MYO1C: variants seen among roughly 807,000 people sequenced by gnomAD.
MYO1C encodes myosin IC, also known as unconventional myosin-Ic.
Under a neutral mutation model 150.8 loss-of-function variants are expected in MYO1C, and 104 were observed. The observed-to-expected ratio is 0.69, with a 90% CI of 0.59 to 0.81. MYO1C has a LOEUF of 0.81. Among genes scored for constraint, MYO1C ranks in the 30% least tolerant of loss-of-function variants. MYO1C has a pLI of 0.00. For synonymous variants in MYO1C, 663 were observed against 579.9 expected, an observed-to-expected ratio of 1.14 and a Z score of -2.06; for missense variants, 1,504 against 1,435.0, an observed-to-expected ratio of 1.05 and a Z score of -0.78.
intron 1 of MYO1C, chr17:1,491,455 C>CGCG (rs1555524133): frequency 2.5e-5 from 4 of 158,012 alleles, no homozygotes; most frequent in Admixed American, 2.1e-4. Flanking sequence ...GGACCCCCCC[C>CGCG]CCCCGCACGG....
rs773330593 is a variant in MYO1C, at chr17:1,479,722, G to C, written c.907-17C>G. 1 of 1,582,522 alleles carries C rather than the reference G, an allele frequency of 6.3e-7. No individual in the cohort carries two copies. The highest frequency in any genetic ancestry group is 8.6e-7 in the Non-Finnish European group (1 of 1,159,784). On this transcript the variant is annotated splice_polypyrimidine_tract_variant and intron_variant, in intron 7 of 31. Coordinates refer to ENST00000648651, the MANE Select transcript of MYO1C (RefSeq NM_001080779.2). This position sits in a 1 kb window ranked among gnomAD's most constrained non-coding sequence, Gnocchi z 4.2. ...CAGCAGGTCCTGGGGGAGCAGGCCG[G>C]GGGCAGGAGGGGGTGAGAGGGGCCA...
At chr17:1,475,292 G>A (rs1280024174) in intron 14 of MYO1C, among the ~76,000 whole-genome samples, 1 of 152,182 alleles carries the variant, frequency 6.6e-6, no homozygotes, top group Non-Finnish European at 1.5e-5. Flanking sequence ...GGTGGTGGGC[G>A]CCTGTAGTCC....
chr17:1,467,439 C>T (rs375807306), intron 30 of MYO1C, 41 bp downstream of exon 30: 188 of 1,605,548 alleles, frequency 1.2e-4, no homozygotes, highest in African/African-American at 7.5e-4. Flanking sequence ...ACAGCCCCCT[C>T]GCCACCCCCG....
Position 1,480,695 on chromosome 17 carries a change from C to A in MYO1C, c.807+11G>T, listed in dbSNP as rs763565275. The A allele has an allele frequency of 1.2e-6, 2 of 1,614,144 alleles. No homozygotes were observed. Among genetic ancestry groups the A allele is most frequent in the South Asian group, 2.2e-5 (2 of 91,084 alleles). On this transcript the variant is annotated intron_variant, in intron 6 of 31. Transcript: ENST00000648651. ...CCTGGGTGGCACCTGCCCTCCCTGC[C>A]AGCCACTCACCTTCACCAGGTACAG...
intron 19 of MYO1C, 134 bp downstream of exon 19, chr17:1,471,773 C>T: frequency 3.1e-6 from 3 of 961,552 alleles, no homozygotes; most frequent in Non-Finnish European, 4.9e-6. Context: ...CAAGGGCCTC[C>T]ACCAAGGGCA....
In MYO1C at chr17:1,464,350, C is replaced by T. The variant is rs570465173; in HGVS notation, c.*1376G>A. The T allele has an allele frequency of 4.6e-5, 7 of 152,774 alleles. No homozygotes were observed. The East Asian group carries it at 1.4e-3, about 29-fold the overall frequency. The allele number at this position is 152,774 out of a possible 1,614,324, so 9.5% of individuals were successfully genotyped here. On this transcript the variant is annotated 3_prime_UTR_variant, in exon 32 of 32. Coordinates refer to ENST00000648651, the MANE Select transcript of MYO1C (RefSeq NM_001080779.2). ...AGGAGGTGATGCCCCTGCCGCTCCT[C>T]CCAAGGCCAGCCCCGTCCCCACGCT...
At chr17:1,467,431 A>G in intron 30 of MYO1C, 49 bp downstream of exon 30, 1 of 1,599,996 alleles carries the variant, frequency 6.3e-7, no homozygotes, top group Non-Finnish European at 8.5e-7. Flanking sequence ...GTGCCCACAC[A>G]GCCCCCTCGC....
chr17:1,491,016 G>A (rs1412012171), intron 1 of MYO1C: 11 of 152,420 alleles, frequency 7.2e-5, no homozygotes. Flanking sequence ...GCACCCCGCA[G>A]GAATCAGCTG....
rs1313695443 is a variant in MYO1C at position 1,468,117 on chromosome 17, C to T, written c.2767G>A (p.Val923Met). The T allele has an allele frequency of 3.7e-6, 6 of 1,613,500 alleles. No individual in the cohort carries two copies. Among genetic ancestry groups the T allele is most frequent in the Non-Finnish European group, 4.2e-6 (5 of 1,180,006 alleles). The change falls in exon 28 of 32, where the codon GTG becomes ATG. Residue 923 changes from valine to methionine, a missense_variant. By Grantham distance (21) the Val-to-Met change is conservative (BLOSUM62 1). Coordinates refer to ENST00000648651, the MANE Select transcript of MYO1C (RefSeq NM_001080779.2). ...TTGCGGTCGTATTTCACAACAGGCACCGCATACTGGGGACAGAGGCCAGGC... is the reference window on the plus strand; with the variant it reads ...TTGCGGTCGTATTTCACAACAGGCATCGCATACTGGGGACAGAGGCCAGGC... ...ALGSEPIQYA[V>M]PVVKYDRKGY...
chr17:1,470,470 T>C lies in MYO1C; in HGVS notation c.2331A>G (p.Ala777=). 4 of 1,551,052 alleles carry C rather than the reference T, an allele frequency of 2.6e-6. No homozygotes were observed. The highest frequency in any genetic ancestry group is 3.5e-6 in the Non-Finnish European group (4 of 1,147,196). The change falls in exon 23 of 32, where the codon GCA becomes GCG. Residue 777 remains alanine, a synonymous_variant. Coordinates refer to ENST00000648651, the MANE Select transcript of MYO1C (RefSeq NM_001080779.2). ...TCTGTGCCGCCCACTTCCTCTTGGC[T>C]GCCTTCCTCCGGCCCAGTGTTCCAC... The part of the protein sequence containing the change: ...WWRGTLGRRK[A]AKRKWAAQTI...
chr17:1,468,353 G>A, intron 26 of MYO1C, 45 bp from the exon 27 acceptor site: 1 of 1,613,700 alleles, frequency 6.2e-7, no homozygotes, highest in African/African-American at 1.3e-5. Flanking sequence ...AGGCAATGGG[G>A]GACCAGGATG....
In MYO1C at chr17:1,479,679, G is replaced by A. The variant is rs963971107; in HGVS notation, c.933C>T (p.Val311=). The A allele has an allele frequency of 1.9e-6, 3 of 1,613,148 alleles. No individual in the cohort carries two copies. The highest frequency in any genetic ancestry group is 1.3e-5 in the African/African-American group (1 of 74,992). ...VEDLLSIVAS[V]LHLGNIHFAA... is the part of the protein sequence containing the mutation. ...CAAAGTGGATGTTGCCCAAATGAAG[G>A]ACGCTGGCCACGATGCTCAGCAGGT... Residue 311 remains valine (V), a synonymous_variant, in exon 8 of 32, where the codon GTC becomes GTT. Coordinates refer to ENST00000648651, the MANE Select transcript of MYO1C (RefSeq NM_001080779.2). This position sits in a 1 kb window ranked among gnomAD's most constrained non-coding sequence, Gnocchi z 4.2.
At chr17:1,468,701 C>A in intron 25 of MYO1C, 8 of 608,650 alleles carry the variant, frequency 1.3e-5, no homozygotes, top group Admixed American at 2.7e-5. Context: ...CACTCCCCAG[C>A]GGGGTCATGA....
intron 1 of MYO1C, chr17:1,484,617 A>T (rs1251516327): frequency 3.8e-6 from 2 of 531,580 alleles, no homozygotes; most frequent in East Asian, 6.7e-5. Context: ...GCAGGACCAG[A>T]GGGCAGAACC....
intron 17 of MYO1C, 96 bp downstream of exon 17, chr17:1,474,514 G>A (rs770793200): frequency 1.7e-5 from 22 of 1,259,634 alleles, no homozygotes; most frequent in East Asian, 9.3e-5. Flanking sequence ...GGGCTCACAC[G>A]CGTTCACACG....
intron 3 of MYO1C, 123 bp downstream of exon 3, chr17:1,483,487 T>C: frequency 1.4e-6 from 1 of 724,324 alleles, no homozygotes. Context: ...GGCAAGAGAC[T>C]GTGGGATTCC....
intron 1 of MYO1C, chr17:1,485,418 G>T: frequency 3.1e-6 from 3 of 961,148 alleles, no homozygotes; most frequent in Non-Finnish European, 2.5e-6. Flanking sequence ...CCGCGCCGAA[G>T]CGGCTGCCAA....
At chr17:1,472,869 T>C (rs574733037) in intron 17 of MYO1C, among the ~76,000 whole-genome samples, 1 of 151,448 alleles carries the variant, frequency 6.6e-6, no homozygotes, top group Non-Finnish European at 1.5e-5. Flanking sequence ...TCCGGCAAGA[T>C]CCAGTGGCTG....
chr17:1,467,875 CAA>C lies in MYO1C; in HGVS notation c.2930_2931del (p.Phe977CysfsTer10). 1.2e-6 allele frequency: 2 copies of C among 1,610,244 alleles called. No individual in the cohort carries two copies. Among genetic ancestry groups the C allele is most frequent in the Non-Finnish European group, 8.5e-7 (1 of 1,179,340 alleles). Reference protein sequence around the residue: ...ISVSSLSDSLFVLHVQRADNK... With the variant: ...ISVSSLSDSLXVLHVQRADNK... ...TTGTCCGCACGCTGTACATGAAGCA[CAA>C]AAAGACTGTCGCTCAGGCTGCTGAC... is the stretch of plus-strand genomic sequence containing the variant. On this transcript the variant is annotated frameshift_variant, in exon 29 of 32. Coordinates refer to ENST00000648651, the MANE Select transcript of MYO1C (RefSeq NM_001080779.2). LOFTEE classifies it high-confidence loss of function.
Sources: gnomAD v4.1 joint callset for allele counts (sites outside exome capture counted in the v4.1 genomes callset) on GRCh38, gnomAD v4.1.1 for gene constraint, Gnocchi (gnomAD v3.1) non-coding constraint, MANE v1.5 for transcripts, NCBI Gene and HGNC (gene_info 2026-07-23, HGNC 2026-07-21) for gene names.